PPFIA2: variants seen among roughly 807,000 people sequenced by gnomAD.
The protein encoded by PPFIA2 is PPFI scaffold protein A2.
A neutral mutation model predicts 175.5 loss-of-function variants in PPFIA2; 46 were observed. The observed-to-expected ratio is 0.26, with a 90% CI of 0.21 to 0.34. The LOEUF is 0.34. Ranked by LOEUF, PPFIA2 falls within the 10% of genes least tolerant of loss-of-function variation. PPFIA2 has a pLI of 1.00. For missense variants in PPFIA2, 1,179 were observed against 1,506.1 expected (o/e 0.78, Z 3.60); for synonymous variants, 568 against 511.4 (o/e 1.11, Z -1.49).
chr12:81,486,827 A>T (rs1351073228), intron 4 of PPFIA2, among the ~76,000 whole-genome samples: 1 of 151,922 alleles, frequency 6.6e-6, no homozygotes, highest in Admixed American at 6.6e-5. Context: ...ATTTTTATAT[A>T]ACTGTCAACT....
At chr12:81,614,111 A>G in intron 4 of PPFIA2, among the ~76,000 whole-genome samples, 1 of 152,088 alleles carries the variant, frequency 6.6e-6, no homozygotes, top group East Asian at 1.9e-4. Context: ...ATTTTTATGG[A>G]TTGTTTTTAA....
At chr12:81,645,865 C>T (rs1233695770) in intron 4 of PPFIA2, among the ~76,000 whole-genome samples, 1 of 152,198 alleles carries the variant, frequency 6.6e-6, no homozygotes, top group African/African-American at 2.4e-5. Context: ...AGCTCTTTTA[C>T]AAGAGGGGTT....
intron 21 of PPFIA2, among the ~76,000 whole-genome samples, chr12:81,336,405 T>C (rs2057145117): frequency 6.6e-6 from 1 of 152,186 alleles, no homozygotes; most frequent in Non-Finnish European, 1.5e-5. Flanking sequence ...TGATTCTTCA[T>C]GGGTAGGAGT....
At chr12:81,334,355 T>C (rs1466473440) in intron 21 of PPFIA2, among the ~76,000 whole-genome samples, 1 of 152,202 alleles carries the variant, frequency 6.6e-6, no homozygotes, top group African/African-American at 2.4e-5. Flanking sequence ...TCGATGCCGA[T>C]AGCCATGTCT....
intron 4 of PPFIA2, among the ~76,000 whole-genome samples, chr12:81,638,630 A>G (rs1378541894): frequency 6.8e-6 from 1 of 147,712 alleles, no homozygotes; most frequent in Non-Finnish European, 1.5e-5. Flanking sequence ...TGTACCTAGT[A>G]TGGTAAAATA....
intron 10 of PPFIA2, among the ~76,000 whole-genome samples, chr12:81,375,427 G>A (rs1195449381): frequency 6.6e-6 from 1 of 152,120 alleles, no homozygotes; most frequent in Non-Finnish European, 1.5e-5. Context: ...TTTAGCAGAT[G>A]TATGATCTTG....
chr12:81,468,119 G>T (rs1412870948), intron 4 of PPFIA2, among the ~76,000 whole-genome samples: 1 of 152,044 alleles, frequency 6.6e-6, no homozygotes, highest in Non-Finnish European at 1.5e-5. Context: ...ACAAAACCTT[G>T]TTCTGGTCTT....
At chr12:81,369,335 C>T in intron 11 of PPFIA2, 141 bp from the exon 12 acceptor site, 3 of 1,498,216 alleles carry the variant, frequency 2.0e-6, no homozygotes, top group Non-Finnish European at 2.7e-6. Flanking sequence ...TTCAAACAGG[C>T]AGCTGAACAG....
intron 4 of PPFIA2, among the ~76,000 whole-genome samples, chr12:81,484,240 A>G (rs1027385652): frequency 6.6e-5 from 10 of 151,722 alleles, no homozygotes; most frequent in Non-Finnish European, 1.0e-4. Context: ...ATAAAAAAAA[A>G]TAGTCCACAC....
At chr12:81,434,410 C>T (rs184919472) in intron 7 of PPFIA2, among the ~76,000 whole-genome samples, 1 of 151,846 alleles carries the variant, frequency 6.6e-6, no homozygotes, top group East Asian at 1.9e-4. Context: ...AAGAGATAAG[C>T]AATAAGAACA....
chr12:81,638,942 C>T (rs1160665026), intron 4 of PPFIA2, among the ~76,000 whole-genome samples: 1 of 151,948 alleles, frequency 6.6e-6, no homozygotes, highest in African/African-American at 2.4e-5. Context: ...CCGCCTCGGC[C>T]TCCCAAAGTG....
chr12:81,340,004 C>T (rs558061171), intron 20 of PPFIA2, among the ~76,000 whole-genome samples: 12 of 151,894 alleles, frequency 7.9e-5, no homozygotes, highest in Admixed American at 3.3e-4. Context: ...TATTTGACAC[C>T]GTATTAATAG....
At chr12:81,715,623 A>G (rs547034569) in intron 3 of PPFIA2, among the ~76,000 whole-genome samples, 1 of 151,900 alleles carries the variant, frequency 6.6e-6, no homozygotes, top group Non-Finnish European at 1.5e-5. Context: ...TTCCATGAAT[A>G]TAAACTTTAA....
chr12:81,742,461 T>G (rs1462586217), intron 3 of PPFIA2, among the ~76,000 whole-genome samples: 2 of 152,166 alleles, frequency 1.3e-5, no homozygotes, highest in African/African-American at 2.4e-5. Context: ...GCTGCTAGAT[T>G]GCACAGAGAA....
At chr12:81,663,623 T>A (rs1440264480) in intron 4 of PPFIA2, among the ~76,000 whole-genome samples, 1 of 152,084 alleles carries the variant, frequency 6.6e-6, no homozygotes, top group African/African-American at 2.4e-5. Flanking sequence ...CCAAGGGAAT[T>A]TATAGATTCA....
intron 11 of PPFIA2, among the ~76,000 whole-genome samples, chr12:81,370,072 A>G (rs1469070751): frequency 3.3e-5 from 5 of 151,824 alleles, no homozygotes; most frequent in African/African-American, 9.7e-5. Flanking sequence ...ATAGATTGTT[A>G]AAAGTTTGTA....
At chr12:81,577,991 C>T (rs1254285282) in intron 4 of PPFIA2, among the ~76,000 whole-genome samples, 1 of 151,680 alleles carries the variant, frequency 6.6e-6, no homozygotes, top group Non-Finnish European at 1.5e-5. Flanking sequence ...CATCTGGAAT[C>T]TTTCTATTAC....
At chr12:81,357,395 A>C (rs1040001728) in intron 16 of PPFIA2, among the ~76,000 whole-genome samples, 2 of 152,194 alleles carry the variant, frequency 1.3e-5, no homozygotes, top group Non-Finnish European at 2.9e-5. Context: ...ATTTGGGGTG[A>C]ATAAAAGTGG....
chr12:81,425,698 G>GTTTTAT (rs2047023273), intron 7 of PPFIA2, among the ~76,000 whole-genome samples: 1 of 151,988 alleles, frequency 6.6e-6, no homozygotes. Flanking sequence ...TAATTGTTTT[G>GTTTTAT]TAATTTTCTT....
Sources: allele counts gnomAD v4.1 joint callset (sites outside exome capture counted in the v4.1 genomes callset), GRCh38; gene constraint gnomAD v4.1.1; transcripts MANE v1.5; gene names NCBI Gene and HGNC (gene_info 2026-07-23, HGNC 2026-07-21).